The following DSCAML1 variants were observed in gnomAD, a reference collection of about 807,000 sequenced individuals.
DSCAML1 encodes the protein cell adhesion molecule DSCAML1.
Under a neutral mutation model 200.5 loss-of-function variants are expected in DSCAML1, and 38 were observed. That is an observed-to-expected ratio of 0.19 (90% CI 0.15 to 0.25). DSCAML1 has a LOEUF of 0.25. DSCAML1 is among the 10% of genes least tolerant of loss of function. The pLI, the probability that DSCAML1 is intolerant of heterozygous loss-of-function variation, is 1.00. For synonymous variants in DSCAML1, 1,215 were observed against 1,165.0 expected (o/e 1.04, Z -0.87); for missense variants, 2,223 against 2,858.8 (o/e 0.78, Z 5.07).
chr11:117,554,352 CA>C (rs1383731029), intron 3 of DSCAML1, among the ~76,000 whole-genome samples: 3 of 152,044 alleles, frequency 2.0e-5, no homozygotes, highest in Non-Finnish European at 1.5e-5. Context: ...ATACCATGGA[CA>C]AAAACATTTT....
chr11:117,486,427 G>A (rs1206240568), intron 11 of DSCAML1, among the ~76,000 whole-genome samples: 1 of 152,152 alleles, frequency 6.6e-6, no homozygotes, highest in Non-Finnish European at 1.5e-5. Context: ...ATGTGAAAAT[G>A]GCGGATGTGA....
intron 24 of DSCAML1, among the ~76,000 whole-genome samples, 195 bp from the exon 25 acceptor site, chr11:117,438,278 C>G (rs2047965294): frequency 3.3e-5 from 5 of 150,240 alleles, no homozygotes; most frequent in Admixed American, 2.7e-4. Flanking sequence ...GTTAAACCAA[C>G]CAATCAACAA....
chr11:117,588,564 G>A (rs772071958), intron 3 of DSCAML1, among the ~76,000 whole-genome samples: 3 of 152,176 alleles, frequency 2.0e-5, no homozygotes, highest in Non-Finnish European at 2.9e-5. Context: ...CAGGCATCCC[G>A]GATACAAGCG....
At chr11:117,534,817 G>T (rs2050137994) in intron 3 of DSCAML1, among the ~76,000 whole-genome samples, 1 of 152,190 alleles carries the variant, frequency 6.6e-6, no homozygotes, top group Non-Finnish European at 1.5e-5. Context: ...TCGCTATGTT[G>T]CCCAGGCTGG....
intron 3 of DSCAML1, among the ~76,000 whole-genome samples, chr11:117,733,272 C>T (rs976651861): frequency 6.6e-6 from 1 of 152,174 alleles, no homozygotes; most frequent in African/African-American, 2.4e-5. Context: ...GTGCTTAGCA[C>T]GTAGTAGCCT....
rs995068174 is a variant in DSCAML1, at chr11:117,637,052, C to T, written c.512-104530G>A. 2.0e-5 allele frequency among the ~76,000 whole-genome samples: 3 copies of T among 152,144 alleles called. No homozygotes were observed. In the South Asian group the frequency reaches 6.2e-4, roughly 31 times the overall value. On this transcript the variant is annotated intron_variant, in intron 3 of 32. Transcript: ENST00000651296. ...CTTTCTCTTGCTCCTGGCCTTTGCA[C>T]ATGCTGTTCCCTGAGCAGGAGCCCC...
intron 3 of DSCAML1, among the ~76,000 whole-genome samples, chr11:117,690,735 A>G (rs1419439099): frequency 6.6e-6 from 1 of 152,194 alleles, no homozygotes; most frequent in East Asian, 1.9e-4. Context: ...GGTCACACTT[A>G]TTCTTGTTTT....
chr11:117,776,755 C>A (rs1565278209), intron 3 of DSCAML1, 36 bp downstream of exon 3: 1 of 1,611,572 alleles, frequency 6.2e-7, no homozygotes, highest in South Asian at 1.1e-5. Context: ...ACAGAGGGAG[C>A]ACCTCTGTCT....
intron 3 of DSCAML1, among the ~76,000 whole-genome samples, chr11:117,614,216 C>T (rs1422798279): frequency 6.6e-6 from 1 of 152,148 alleles, no homozygotes; most frequent in Non-Finnish European, 1.5e-5. Context: ...AACTAAGCTC[C>T]TTGAGAACAT....
intron 3 of DSCAML1, among the ~76,000 whole-genome samples, chr11:117,700,947 GC>G (rs2053656941): frequency 6.6e-6 from 1 of 152,210 alleles, no homozygotes; most frequent in Non-Finnish European, 1.5e-5. Flanking sequence ...CACAGACTTT[GC>G]TTTACTTTCT....
chr11:117,591,398 T>G (rs948246642), intron 3 of DSCAML1, among the ~76,000 whole-genome samples: 2 of 152,200 alleles, frequency 1.3e-5, no homozygotes, highest in African/African-American at 4.8e-5. Flanking sequence ...GAAAGCACAA[T>G]GTGATATAGT....
chr11:117,625,836 A>G (rs1321226939), intron 3 of DSCAML1, among the ~76,000 whole-genome samples: 1 of 152,244 alleles, frequency 6.6e-6, no homozygotes, highest in African/African-American at 2.4e-5. Flanking sequence ...AATCCTGCCC[A>G]AGGAAGTACG....
rs2048517200 is a variant in DSCAML1 at position 117,463,285 on chromosome 11, C to CTAT, written c.3265+1656_3265+1657insATA. Among the ~76,000 whole-genome samples, 2 of 151,866 alleles carry CTAT rather than the reference C, an allele frequency of 1.3e-5. No individual in the cohort carries two copies. The highest frequency in any genetic ancestry group is 4.8e-5 in the African/African-American group (2 of 41,306). ...TGGCCTCCCTTCATGGATAATTGTG[C>CTAT]GACTCTTGGTGCTATGATTCCCAAA... On this transcript the variant is annotated intron_variant, in intron 17 of 32. Coordinates refer to ENST00000651296, the MANE Select transcript of DSCAML1 (RefSeq NM_020693.4). The surrounding 1 kb of genome is among the most constrained non-coding windows in gnomAD (Gnocchi z 4.0).
At chr11:117,563,545 G>A (rs1200089157) in intron 3 of DSCAML1, among the ~76,000 whole-genome samples, 2 of 152,144 alleles carry the variant, frequency 1.3e-5, no homozygotes, top group African/African-American at 2.4e-5. Context: ...GGAATCACAC[G>A]TTCACCTGTC....
chr11:117,714,913 C>A (rs546938460), intron 3 of DSCAML1, among the ~76,000 whole-genome samples: 1 of 151,844 alleles, frequency 6.6e-6, no homozygotes, highest in South Asian at 2.1e-4. Context: ...CCCCAGGCCC[C>A]AGCCGTCCAA....
In DSCAML1 at chr11:117,505,191, A is replaced by G; in HGVS notation, c.2063-148T>C. The G allele has an allele frequency of 7.9e-7, 1 of 1,272,336 alleles. No homozygotes were observed. Among genetic ancestry groups the G allele is most frequent in the South Asian group, 1.5e-5 (1 of 66,268 alleles). 78.8% of individuals were successfully genotyped at this position (1,272,336 alleles called of 1,614,324 possible). On this transcript the variant is annotated intron_variant, in intron 9 of 32. Coordinates refer to ENST00000651296, the MANE Select transcript of DSCAML1 (RefSeq NM_020693.4). The surrounding 1 kb of genome is among the most constrained non-coding windows in gnomAD (Gnocchi z 6.7). ...GTTTCTGAAACCCAAGATGCTGAGA[A>G]CTTTTGTTGAGTACTGGGTAGGGAC...
chr11:117,666,038 C>T (rs2137657347), intron 3 of DSCAML1, among the ~76,000 whole-genome samples: 1 of 152,296 alleles, frequency 6.6e-6, no homozygotes, highest in Middle Eastern at 3.4e-3. Flanking sequence ...GGCTGGTTCT[C>T]CTCCATCACT....
rs1378580355 is a variant in DSCAML1 at position 117,463,669 on chromosome 11, G to A, written c.3265+1273C>T. On this transcript the variant is annotated intron_variant, in intron 17 of 32. Coordinates refer to ENST00000651296, the MANE Select transcript of DSCAML1 (RefSeq NM_020693.4). This position sits in a 1 kb window ranked among gnomAD's most constrained non-coding sequence, Gnocchi z 4.0. ...GGTGGGAGGGATGGAGAGGGATAGC[G>A]AGGGCCATGGGCTGAGGGCTTGGTT... 2.0e-5 allele frequency among the ~76,000 whole-genome samples: 3 copies of A among 152,204 alleles called. No individual in the cohort carries two copies. The highest frequency in any genetic ancestry group is 1.3e-4 in the Admixed American group (2 of 15,292).
intron 3 of DSCAML1, among the ~76,000 whole-genome samples, chr11:117,629,685 G>C (rs1485698443): frequency 6.6e-6 from 1 of 152,110 alleles, no homozygotes; most frequent in Non-Finnish European, 1.5e-5. Flanking sequence ...GAGGAAGTGA[G>C]AGAGAAAGAC....
Sources: allele counts gnomAD v4.1 joint callset (sites outside exome capture counted in the v4.1 genomes callset), GRCh38; gene constraint gnomAD v4.1.1; non-coding constraint Gnocchi (gnomAD v3.1); transcripts MANE v1.5; gene names NCBI Gene and HGNC (gene_info 2026-07-23, HGNC 2026-07-21).